The following TBL1XR1 variants were observed in gnomAD, a reference collection of about 807,000 sequenced individuals.
TBL1XR1 encodes F-box-like/WD repeat-containing protein TBL1XR1.
In TBL1XR1, 5 loss-of-function variants were observed where a neutral mutation model predicts 66.9. The ratio of observed to expected loss-of-function variants is 0.07; its 90% confidence interval spans 0.04 to 0.16. TBL1XR1 has a LOEUF of 0.16. Among genes scored for constraint, TBL1XR1 ranks in the 10% least tolerant of loss-of-function variants. The pLI is 1.00. For synonymous variants in TBL1XR1, 210 were observed against 206.0 expected (o/e 1.02, Z -0.17); for missense variants, 238 against 623.2 (o/e 0.38, Z 6.58).
At chr3:177,158,227 TTC>T (rs1731758373) in intron 1 of TBL1XR1, among the ~76,000 whole-genome samples, 1 of 47,084 alleles carries the variant, frequency 2.1e-5, no homozygotes, top group African/African-American at 4.8e-5. Context: ...TTTGTTTCTT[TTC>T]TTTTTTTTTT....
At chr3:177,138,408 A>G (rs1689449276) in intron 1 of TBL1XR1, among the ~76,000 whole-genome samples, 2 of 152,214 alleles carry the variant, frequency 1.3e-5, no homozygotes, top group Admixed American at 6.5e-5. Context: ...CAGCCTGGGC[A>G]ACATGGTATG....
intron 1 of TBL1XR1, among the ~76,000 whole-genome samples, chr3:177,138,784 C>T (rs1173321971): frequency 6.6e-6 from 1 of 151,860 alleles, no homozygotes; most frequent in Admixed American, 6.6e-5. Flanking sequence ...GGATCTCTCA[C>T]CATTTGAGTG....
intron 1 of TBL1XR1, among the ~76,000 whole-genome samples, chr3:177,108,972 G>T (rs570335700): frequency 1.3e-5 from 2 of 152,068 alleles, no homozygotes; most frequent in African/African-American, 2.4e-5. Context: ...AAATGAGCTT[G>T]CATTTTAGCT....
intron 1 of TBL1XR1, among the ~76,000 whole-genome samples, chr3:177,153,085 A>G (rs1183376636): frequency 2.6e-5 from 4 of 152,202 alleles, no homozygotes; most frequent in African/African-American, 7.2e-5. Context: ...CAGTGAGCCA[A>G]AATTGCACCA....
intron 10 of TBL1XR1, among the ~76,000 whole-genome samples, chr3:177,045,424 G>T (rs1716191203): frequency 6.6e-6 from 1 of 152,048 alleles, no homozygotes; most frequent in Non-Finnish European, 1.5e-5. Context: ...CGGAGCGTGG[G>T]CACAAAAATA....
At chr3:177,118,972 T>C (rs1022646277) in intron 1 of TBL1XR1, among the ~76,000 whole-genome samples, 1 of 152,096 alleles carries the variant, frequency 6.6e-6, no homozygotes, top group Non-Finnish European at 1.5e-5. Flanking sequence ...ATCAGGTTTT[T>C]TTTGTTTTTT....
chr3:177,073,867 A>C (rs927015636), intron 2 of TBL1XR1, among the ~76,000 whole-genome samples: 5 of 152,194 alleles, frequency 3.3e-5, no homozygotes, highest in African/African-American at 1.2e-4. Context: ...GCCCAGACTC[A>C]TCACTTGTAT....
At chr3:177,053,231 A>T (rs1717344965) in intron 4 of TBL1XR1, among the ~76,000 whole-genome samples, 1 of 152,234 alleles carries the variant, frequency 6.6e-6, no homozygotes, top group Admixed American at 6.5e-5. Flanking sequence ...TCTCTGTCTC[A>T]ACTACTATTA....
chr3:177,069,094 G>A (rs1719538310), intron 2 of TBL1XR1, among the ~76,000 whole-genome samples: 1 of 152,090 alleles, frequency 6.6e-6, no homozygotes, highest in Non-Finnish European at 1.5e-5. Context: ...AATTTTCTGG[G>A]TCTCTGTGTC....
chr3:177,049,440 T>A (rs780102312), intron 7 of TBL1XR1, among the ~76,000 whole-genome samples: 1 of 152,196 alleles, frequency 6.6e-6, no homozygotes, highest in Non-Finnish European at 1.5e-5. Flanking sequence ...TCCTGAAAGA[T>A]GTTGAATCAT....
At chr3:177,129,087 G>A (rs577864931) in intron 1 of TBL1XR1, among the ~76,000 whole-genome samples, 11 of 152,228 alleles carry the variant, frequency 7.2e-5, no homozygotes, top group South Asian at 2.1e-4. Flanking sequence ...TAAGGGCTAT[G>A]GGATGCTCAA....
chr3:177,170,557 A>G (rs983962098), intron 1 of TBL1XR1, among the ~76,000 whole-genome samples: 4 of 152,168 alleles, frequency 2.6e-5, no homozygotes, highest in Admixed American at 6.5e-5. Flanking sequence ...GGAGCATAAT[A>G]GGCACTCAAT....
In TBL1XR1 at chr3:177,019,966, C is replaced by A. The variant is rs1282383748; in HGVS notation, c.*5532G>T. On this transcript the variant is annotated 3_prime_UTR_variant, in exon 16 of 16. Transcript: ENST00000457928. ...GGAAATAAACAGGAAAAATAGAAGA[C>A]CTAGAGAGTGTAAATTCTTAAAAAA... 3 of 147,514 alleles carry A rather than the reference C, an allele frequency of 2.0e-5. No homozygotes were observed. The highest frequency in any genetic ancestry group is 1.4e-4 in the Admixed American group (2 of 14,570). 9.1% of individuals were successfully genotyped at this position (147,514 alleles called of 1,614,324 possible).
chr3:177,167,855 G>A (rs35426254), intron 1 of TBL1XR1, among the ~76,000 whole-genome samples: 75,813 of 152,012 alleles, frequency 0.5, 19,736 homozygotes, highest in Non-Finnish European at 0.57. Context: ...GAACATGAGA[G>A]GTGGAGGCTG....
At chr3:177,172,669 AGGGGAGGGGAGG>A (rs140551075) in intron 1 of TBL1XR1, among the ~76,000 whole-genome samples, 47 of 39,956 alleles carry the variant, frequency 1.2e-3, no homozygotes, top group African/African-American at 2.8e-3. Flanking sequence ...GAGAGAAGGG[AGGGGAGGGGAGG>A]GGAGAGGGGA....
intron 1 of TBL1XR1, among the ~76,000 whole-genome samples, chr3:177,138,773 G>A (rs909220177): frequency 6.6e-6 from 1 of 151,494 alleles, no homozygotes; most frequent in Non-Finnish European, 1.5e-5. Context: ...GAAAGAGGAA[G>A]GGATCTCTCA....
At chr3:177,179,845 A>C (rs1400437941) in intron 1 of TBL1XR1, among the ~76,000 whole-genome samples, 1 of 152,216 alleles carries the variant, frequency 6.6e-6, no homozygotes, top group Non-Finnish European at 1.5e-5. Flanking sequence ...AAAACGCAAG[A>C]AAGGCAAATG....
At chr3:177,157,450 T>C (rs957741802) in intron 1 of TBL1XR1, among the ~76,000 whole-genome samples, 1 of 152,184 alleles carries the variant, frequency 6.6e-6, no homozygotes, top group Non-Finnish European at 1.5e-5. Flanking sequence ...TGATTTAGTA[T>C]ATAATACTAT....
chr3:177,089,468 C>T lies in TBL1XR1; in HGVS notation c.-46+8998G>A, dbSNP rs576383157. Among the ~76,000 whole-genome samples the T allele has an allele frequency of 5.3e-5, 8 of 152,252 alleles. No homozygotes were observed. The East Asian group carries it at 5.8e-4, about 11-fold the overall frequency. ...AAAGAGACATGTTCTACACTGTTCCCGAGGATGCCACATGATTTGAGTCCA... is the reference window on the plus strand; with the variant it reads ...AAAGAGACATGTTCTACACTGTTCCTGAGGATGCCACATGATTTGAGTCCA... On this transcript the variant is annotated intron_variant, in intron 2 of 15. Transcript: ENST00000457928.
Sources: gnomAD v4.1 joint callset for allele counts (sites outside exome capture counted in the v4.1 genomes callset) on GRCh38, gnomAD v4.1.1 for gene constraint, MANE v1.5 for transcripts, NCBI Gene and HGNC (gene_info 2026-07-23, HGNC 2026-07-21) for gene names.